The following DYSF variants were observed in gnomAD, a reference collection of about 807,000 sequenced individuals.
DYSF encodes dysferlin.
A neutral mutation model predicts 274.9 loss-of-function variants in DYSF; 212 were observed. That is an observed-to-expected ratio of 0.77 (90% confidence interval 0.69 to 0.86). The LOEUF (loss-of-function observed/expected upper bound fraction) is 0.86. Among genes scored for constraint, DYSF ranks in the 40% least tolerant of loss-of-function variants. The pLI, the probability that DYSF is intolerant of heterozygous loss-of-function variation, is 0.00. For missense variants in DYSF, 2,666 were observed against 2,783.2 expected, an observed-to-expected ratio of 0.96 and a Z score of 0.95; for synonymous variants, 1,091 against 1,078.7, an observed-to-expected ratio of 1.01 and a Z score of -0.22.
At chr2:71,484,523 A>G (rs1326834036) in intron 3 of DYSF, among the ~76,000 whole-genome samples, 2 of 152,180 alleles carry the variant, frequency 1.3e-5, no homozygotes, top group Non-Finnish European at 2.9e-5. Flanking sequence ...GCAACATTTC[A>G]ATTCTACTCT....
intron 40 of DYSF, among the ~76,000 whole-genome samples, chr2:71,616,009 ACTTTCCTCCGTGACAC>A (rs1162394458): frequency 2.0e-5 from 3 of 151,860 alleles, no homozygotes; most frequent in Non-Finnish European, 4.4e-5. Flanking sequence ...CCTTCCTGTC[ACTTTCCTCCGTGACAC>A]CTTCTCTCTG....
At chr2:71,538,868 C>G (rs538935402) in intron 16 of DYSF, among the ~76,000 whole-genome samples, 3 of 152,142 alleles carry the variant, frequency 2.0e-5, no homozygotes, top group Admixed American at 6.5e-5. Context: ...CCTGCAGATG[C>G]GTCTGTAGAG....
chr2:71,592,196 C>T (rs758742020), intron 32 of DYSF, among the ~76,000 whole-genome samples: 30 of 152,232 alleles, frequency 2.0e-4, no homozygotes, highest in Non-Finnish European at 2.8e-4. Flanking sequence ...CCCTGCGGGC[C>T]GAGCACCCTG....
At chr2:71,540,341 C>G (rs1459121427) in intron 17 of DYSF, among the ~76,000 whole-genome samples, 1 of 152,004 alleles carries the variant, frequency 6.6e-6, no homozygotes, top group Non-Finnish European at 1.5e-5. Context: ...GAACTCCTGG[C>G]CTCATGATCC....
At chr2:71,677,560 T>G (rs2095241952) in intron 52 of DYSF, among the ~76,000 whole-genome samples, 3 of 152,064 alleles carry the variant, frequency 2.0e-5, no homozygotes, top group African/African-American at 7.2e-5. Flanking sequence ...GATGATTAGA[T>G]AAAACAATAA....
intron 30 of DYSF, among the ~76,000 whole-genome samples, chr2:71,589,392 C>G (rs1197885326): frequency 2.0e-5 from 3 of 152,204 alleles, no homozygotes; most frequent in Non-Finnish European, 4.4e-5. Flanking sequence ...GAATTTCCTA[C>G]AGTCCTTTGG....
chr2:71,514,308 C>T (rs1350641754), intron 7 of DYSF, among the ~76,000 whole-genome samples: 1 of 152,204 alleles, frequency 6.6e-6, no homozygotes, highest in Non-Finnish European at 1.5e-5. Context: ...CACCTGTATA[C>T]TTGTTAGACA....
chr2:71,602,742 C>A (rs772870162), intron 35 of DYSF, 34 bp from the exon 36 acceptor site: 2 of 1,610,740 alleles, frequency 1.2e-6, no homozygotes, highest in Non-Finnish European at 1.7e-6. Context: ...CTCACCATCT[C>A]CTGGATGTGC....
chr2:71,637,778 G>A (rs554311889), intron 41 of DYSF, among the ~76,000 whole-genome samples: 4 of 152,348 alleles, frequency 2.6e-5, no homozygotes, highest in South Asian at 2.1e-4. Flanking sequence ...GGTAAACAAA[G>A]CATTGTAGGA....
At chr2:71,621,013 A>G (rs11886623) in intron 41 of DYSF, among the ~76,000 whole-genome samples, 111,073 of 151,908 alleles carry the variant, frequency 0.73, 42,690 homozygotes, top group East Asian at 0.87. Flanking sequence ...TGTGTGAAGG[A>G]TGTGTGTGAC....
At position 71,600,708 on chromosome 2, in the gene DYSF, G is replaced by C. The variant is rs1553376431; in HGVS notation, c.3763G>C (p.Asp1255His). ...CTCTCTACGCTTGGTCTAGGGTGCA[G>C]ACGAGTTTATGGGTCGCTGCATCTG... ...ELYDHDTYGA[D>H]EFMGRCICQP... The change falls in exon 34 of 56, where the codon GAC (aspartate) becomes CAC (histidine). Residue 1255 changes from aspartate (D) to histidine (H), a missense_variant. Transcript: ENST00000410020. 1.2e-6 allele frequency: 2 copies of C among 1,614,148 alleles called. No homozygotes were observed. Among genetic ancestry groups the C allele is most frequent in the African/African-American group, 2.7e-5 (2 of 75,080 alleles).
chr2:71,504,709 C>G (rs1361874439), intron 4 of DYSF, among the ~76,000 whole-genome samples: 2 of 152,248 alleles, frequency 1.3e-5, no homozygotes, highest in African/African-American at 2.4e-5. Flanking sequence ...CACTCCAGCT[C>G]TGTGTGCATC....
At position 71,553,879 on chromosome 2, in the gene DYSF, T is replaced by A; in HGVS notation, c.2057T>A (p.Ile686Asn). 1 of 1,613,834 alleles carries A rather than the reference T, an allele frequency of 6.2e-7. No homozygotes were observed. Among genetic ancestry groups the A allele is most frequent in the Non-Finnish European group, 8.5e-7 (1 of 1,179,906 alleles). Residue 686 changes from isoleucine (I) to asparagine (N), a missense_variant, in exon 21 of 56, where the codon ATC becomes AAC. Coordinates refer to ENST00000410020, the MANE Select transcript of DYSF (RefSeq NM_001130987.2). Reference protein sequence around the residue: ...VVVLSSYWEDISHRIETQNQL... With the variant: ...VVVLSSYWEDNSHRIETQNQL... ...GTGCTGTCATCCTACTGGGAGGACA[T>A]CAGCCATAGAATCGAGACTCAGAAC...
At chr2:71,650,540 A>G (rs1162974116) in intron 42 of DYSF, among the ~76,000 whole-genome samples, 1 of 152,178 alleles carries the variant, frequency 6.6e-6, no homozygotes, top group Non-Finnish European at 1.5e-5. Flanking sequence ...AAGGCTTGGC[A>G]TGATTAGTAA....
rs746663568 is a variant in DYSF at position 71,682,669 on chromosome 2, G to A, written c.6313G>A (p.Ala2105Thr). The change falls in exon 55 of 56, where the codon GCC becomes ACC. Residue 2105 changes from alanine to threonine, a missense_variant. By Grantham distance (58) the Ala-to-Thr change is moderately conservative. Transcript: ENST00000410020. Reference protein sequence around the residue: ...LLLFLAIFIYAFPNYAAMKLV... With the variant: ...LLLFLAIFIYTFPNYAAMKLV... ...GCTGTTCCTGGCCATCTTCATCTAC[G>A]CCTTCCCGGTGAGCAGGCCTGACGA... 13 of 1,613,858 alleles carry A rather than the reference G, an allele frequency of 8.1e-6. No individual in the cohort carries two copies. The highest frequency in any genetic ancestry group is 1.6e-4 in the Middle Eastern group (1 of 6,062).
intron 45 of DYSF, among the ~76,000 whole-genome samples, chr2:71,662,091 C>A (rs765109312): frequency 6.6e-6 from 1 of 152,188 alleles, no homozygotes; most frequent in Non-Finnish European, 1.5e-5. Flanking sequence ...ATGCCTGTTT[C>A]CCCATCTCCC....
At chr2:71,478,643 A>T (rs553537882) in intron 1 of DYSF, among the ~76,000 whole-genome samples, 1 of 152,170 alleles carries the variant, frequency 6.6e-6, no homozygotes, top group African/African-American at 2.4e-5. Context: ...TTCCATGATC[A>T]GTGATTCACA....
chr2:71,618,928 C>T (rs887581086), intron 40 of DYSF, among the ~76,000 whole-genome samples: 3 of 145,674 alleles, frequency 2.1e-5, no homozygotes, highest in Admixed American at 6.8e-5. Context: ...CTCCCAGGCG[C>T]TGGGGCTGGG....
chr2:71,683,270 C>T (rs1197684899), intron 55 of DYSF, among the ~76,000 whole-genome samples: 1 of 152,040 alleles, frequency 6.6e-6, no homozygotes, highest in Non-Finnish European at 1.5e-5. Context: ...TTTGGGTTTC[C>T]TTTCACTTGG....
Sources: gnomAD v4.1 joint callset for allele counts (sites outside exome capture counted in the v4.1 genomes callset) on GRCh38, gnomAD v4.1.1 for gene constraint, MANE v1.5 for transcripts, NCBI Gene and HGNC (gene_info 2026-07-23, HGNC 2026-07-21) for gene names.